BACH2: variants seen among roughly 807,000 people sequenced by gnomAD.
BACH2 encodes the protein transcription regulator protein BACH2.
BACH2 carries 5 observed loss-of-function variants against 61.8 expected under a neutral mutation model. The ratio of observed to expected loss-of-function variants is 0.08; its 90% CI spans 0.04 to 0.17. The LOEUF (loss-of-function observed/expected upper bound fraction) is 0.17. BACH2 is among the 10% of genes least tolerant of loss of function. The probability of loss-of-function intolerance (pLI) is 1.00; values close to 1 mark genes in which losing one functional copy is unlikely to be tolerated. For synonymous variants in BACH2, 446 were observed against 440.1 expected (o/e 1.01, Z -0.17); for missense variants, 824 against 1,091.1 (o/e 0.76, Z 3.45).
rs1443442928 is a variant in BACH2 at position 90,161,081 on chromosome 6, C to T, written c.-162+45488G>A. Among the ~76,000 whole-genome samples, 9 of 106,488 alleles carry T rather than the reference C, an allele frequency of 8.5e-5. No homozygotes were observed. In the Admixed American group the frequency reaches 8.6e-4, roughly 10 times the overall value. 69.9% of individuals were successfully genotyped at this position (106,488 alleles called of 152,430 possible). A position where few individuals can be genotyped will look rare whatever the true frequency, so the allele number is the denominator to read the frequency against. On this transcript the variant is annotated intron_variant, in intron 4 of 8. Coordinates refer to ENST00000257749, the MANE Select transcript of BACH2 (RefSeq NM_021813.4). ...CCAGCCTGGCGACAGAGCGAGACTCCGTCTCAAAAAAAAAAAAAAAAAAGG... is the reference window on the plus strand; with the variant it reads ...CCAGCCTGGCGACAGAGCGAGACTCTGTCTCAAAAAAAAAAAAAAAAAAGG...
intron 4 of BACH2, among the ~76,000 whole-genome samples, chr6:90,093,706 G>C (rs1362909169): frequency 6.6e-6 from 1 of 152,104 alleles, no homozygotes; most frequent in Non-Finnish European, 1.5e-5. Flanking sequence ...TCCTTCAATA[G>C]GTATTCACTG....
chr6:90,116,393 C>T (rs1348309454), intron 4 of BACH2, among the ~76,000 whole-genome samples: 1 of 152,104 alleles, frequency 6.6e-6, no homozygotes, highest in Non-Finnish European at 1.5e-5. Context: ...TATGCAGGAA[C>T]AGAAAACCAA....
At chr6:89,935,767 CA>C (rs1216501174) in intron 8 of BACH2, among the ~76,000 whole-genome samples, 1 of 152,080 alleles carries the variant, frequency 6.6e-6, no homozygotes, top group Non-Finnish European at 1.5e-5. Context: ...TGCAAATTAC[CA>C]AAACCAGGCA....
At chr6:89,990,845 CAG>C (rs1436662296) in intron 6 of BACH2, among the ~76,000 whole-genome samples, 1 of 152,236 alleles carries the variant, frequency 6.6e-6, no homozygotes, top group East Asian at 1.9e-4. Flanking sequence ...TGTGAAAGCT[CAG>C]AGTTTTGCCT....
intron 4 of BACH2, among the ~76,000 whole-genome samples, chr6:90,103,051 T>TTTTTTTTTTTTTA (rs1554246299): frequency 7.7e-6 from 1 of 130,658 alleles, no homozygotes; most frequent in African/African-American, 3.1e-5. Flanking sequence ...TTTTTTTTTT[T>TTTTTTTTTTTTTA]ACCAGACTAT....
intron 2 of BACH2, among the ~76,000 whole-genome samples, chr6:90,259,983 T>A (rs1346617738): frequency 1.3e-5 from 2 of 152,050 alleles, no homozygotes; most frequent in African/African-American, 4.8e-5. Context: ...GTTTGCCAAT[T>A]TTACTTAAAA....
intron 5 of BACH2, among the ~76,000 whole-genome samples, chr6:90,081,501 C>T (rs781308831): frequency 1.3e-5 from 2 of 152,140 alleles, no homozygotes; most frequent in African/African-American, 2.4e-5. Context: ...ATGTAGTTAC[C>T]TGAATTGAGC....
In BACH2 at chr6:89,926,561, T is replaced by G. The variant is rs1382932565; in HGVS notation, c.*5847A>C. 6.5e-6 allele frequency: 1 copy of G among 152,776 alleles called. No homozygotes were observed. Among genetic ancestry groups the G allele is most frequent in the Non-Finnish European group, 1.5e-5 (1 of 68,032 alleles). The allele number at this position is 152,776 out of a possible 1,614,324, so 9.5% of individuals were successfully genotyped here. ...CAATGCATAATGATATGTCTTTATT[T>G]CATCAACAGAAATGGTGTCTAGACA... On this transcript the variant is annotated 3_prime_UTR_variant, in exon 9 of 9. Coordinates refer to ENST00000257749, the MANE Select transcript of BACH2 (RefSeq NM_021813.4).
rs148896953 is a variant in BACH2, at chr6:90,219,320, C to G, written c.-274-12639G>C. Reference sequence around the variant, plus strand: ...CCCTGGCTCTGAAAGCTATTTCTCCCGACCATTAACCATATGTTTGGCTCC... The same window carrying G: ...CCCTGGCTCTGAAAGCTATTTCTCCGGACCATTAACCATATGTTTGGCTCC... On this transcript the variant is annotated intron_variant, in intron 3 of 8. Transcript: ENST00000257749. Among the ~76,000 whole-genome samples the G allele has an allele frequency of 5.3e-5, 8 of 152,168 alleles. No individual in the cohort carries two copies. In the East Asian group the frequency reaches 1.5e-3, roughly 29 times the overall value.
chr6:90,111,148 G>T (rs1041973758), intron 4 of BACH2, among the ~76,000 whole-genome samples: 1 of 152,102 alleles, frequency 6.6e-6, no homozygotes, highest in African/African-American at 2.4e-5. Context: ...GTATTACTGT[G>T]AAAATAGTTT....
intron 6 of BACH2, among the ~76,000 whole-genome samples, chr6:89,985,091 G>A (rs1037574596): frequency 2.0e-5 from 3 of 152,122 alleles, no homozygotes; most frequent in Admixed American, 1.3e-4. Flanking sequence ...GTGGGCGGTG[G>A]GTGCTTGCAG....
chr6:89,979,978 T>C (rs1317209012), intron 6 of BACH2, among the ~76,000 whole-genome samples: 1 of 152,194 alleles, frequency 6.6e-6, no homozygotes, highest in Non-Finnish European at 1.5e-5. Flanking sequence ...CTTACAGTCA[T>C]ATAACTTGTG....
chr6:89,946,104 A>G (rs1015473790), intron 7 of BACH2, among the ~76,000 whole-genome samples: 2 of 152,266 alleles, frequency 1.3e-5, no homozygotes, highest in Non-Finnish European at 2.9e-5. Context: ...TCTAAGCAAC[A>G]TTTATGAGAA....
intron 5 of BACH2, among the ~76,000 whole-genome samples, chr6:90,071,795 T>C (rs1423548627): frequency 6.6e-6 from 1 of 152,242 alleles, no homozygotes; most frequent in Non-Finnish European, 1.5e-5. Flanking sequence ...CATTAACACA[T>C]ATTTTGTATG....
At chr6:90,141,408 T>G (rs1336693558) in intron 4 of BACH2, among the ~76,000 whole-genome samples, 1 of 151,904 alleles carries the variant, frequency 6.6e-6, no homozygotes, top group Non-Finnish European at 1.5e-5. Context: ...CACGAACTCC[T>G]GACCTCAAGT....
intron 2 of BACH2, among the ~76,000 whole-genome samples, chr6:90,256,452 A>C (rs527334403): frequency 6.6e-6 from 1 of 152,294 alleles, no homozygotes; most frequent in East Asian, 1.9e-4. Context: ...TGGGAGTCAC[A>C]TGGTGAAGAT....
In BACH2 at chr6:89,950,569, A is replaced by G. The variant is rs1458973960; in HGVS notation, c.1537T>C (p.Leu513=). The G allele has an allele frequency of 6.2e-7, 1 of 1,611,324 alleles. No homozygotes were observed. The highest frequency in any genetic ancestry group is 2.2e-5 in the East Asian group (1 of 44,840). ...CTGGAAGTCCTGGTCCTGGTCTCCA[A>G]GGGGGGTGAGCGAGGGCAGACTTTG... ...PIKVCPRSPP[L]ETRTRTSSSC... is the part of the protein sequence containing the mutation. The change falls in exon 7 of 9, where the codon TTG becomes CTG. Residue 513 remains leucine (L), a synonymous_variant. Coordinates refer to ENST00000257749, the MANE Select transcript of BACH2 (RefSeq NM_021813.4). This position sits in a 1 kb window ranked among gnomAD's most constrained non-coding sequence, Gnocchi z 5.3.
At chr6:90,199,183 C>G (rs149095982) in intron 4 of BACH2, among the ~76,000 whole-genome samples, 1 of 152,172 alleles carries the variant, frequency 6.6e-6, no homozygotes, top group Non-Finnish European at 1.5e-5. Flanking sequence ...GAAGTAGACA[C>G]CAGCCAGTGC....
intron 4 of BACH2, among the ~76,000 whole-genome samples, chr6:90,185,721 C>A (rs1210709253): frequency 6.6e-6 from 1 of 152,158 alleles, no homozygotes; most frequent in Non-Finnish European, 1.5e-5. Context: ...TAAAATAGAA[C>A]CAACCACGTT....
Sources: gnomAD v4.1 joint callset for allele counts (sites outside exome capture counted in the v4.1 genomes callset) on GRCh38, gnomAD v4.1.1 for gene constraint, Gnocchi (gnomAD v3.1) non-coding constraint, MANE v1.5 for transcripts, NCBI Gene and HGNC (gene_info 2026-07-23, HGNC 2026-07-21) for gene names.